Variants in ERICH1 observed in about 807,000 individuals in gnomAD.
ERICH1 encodes glutamate-rich protein 1.
ERICH1 carries 56 observed loss-of-function variants against 39.6 expected under a neutral mutation model. That is an observed-to-expected ratio of 1.41 (90% confidence interval 1.14 to 1.77). ERICH1 has a LOEUF of 1.77. Ranked by LOEUF, ERICH1 falls within the 40% of genes most tolerant of loss-of-function variation. ERICH1 has a pLI of 0.00. For missense variants in ERICH1, 826 were observed against 575.4 expected, an observed-to-expected ratio of 1.44 and a Z score of -4.45; for synonymous variants, 313 against 223.6, an observed-to-expected ratio of 1.40 and a Z score of -3.57.
chr8:655,841 A>T (rs1462487450), intron 3 of ERICH1, among the ~76,000 whole-genome samples: 1 of 151,896 alleles, frequency 6.6e-6, no homozygotes, highest in African/African-American at 2.4e-5. Flanking sequence ...ACTCACGACC[A>T]CGTTTTTCAT....
intron 3 of ERICH1, 104 bp downstream of exon 3, chr8:692,374 C>T (rs1809092958): frequency 2.0e-6 from 3 of 1,501,702 alleles, no homozygotes; most frequent in Non-Finnish European, 2.7e-6. Flanking sequence ...TGCTCACCCA[C>T]CCCCCAAGTA....
intron 2 of ERICH1, among the ~76,000 whole-genome samples, chr8:708,892 G>C (rs551138032): frequency 6.6e-6 from 1 of 151,416 alleles, no homozygotes; most frequent in East Asian, 1.9e-4. Flanking sequence ...TGGGTGACTC[G>C]CCATGTTGCC....
chr8:628,355 G>T (rs559337800), intron 3 of ERICH1, among the ~76,000 whole-genome samples: 1 of 152,328 alleles, frequency 6.6e-6, no homozygotes, highest in South Asian at 2.1e-4. Flanking sequence ...AGTTTCTCTT[G>T]AAGTTTGGTC....
At chr8:629,875 T>A (rs868599894) in intron 3 of ERICH1, among the ~76,000 whole-genome samples, 6 of 114,854 alleles carry the variant, frequency 5.2e-5, no homozygotes, top group South Asian at 2.8e-4. Flanking sequence ...CAGAGCTGAC[T>A]CACACCCTCC....
At position 722,867 on chromosome 8, in the gene ERICH1, G is replaced by T. The variant is rs113159544; in HGVS notation, c.23-6860C>A. Among the ~76,000 whole-genome samples, 424 of 152,340 alleles carry T rather than the reference G, an allele frequency of 2.8e-3. 5 individuals carry two copies. The highest frequency in any genetic ancestry group is 8.8e-3 in the African/African-American group (368 of 41,582). ...AGCTGTAAAACCGATAGGACCACAT[G>T]CTTACAGGAATTCATTAAAATAAGA... On this transcript the variant is annotated intron_variant, in intron 1 of 5. Coordinates refer to ENST00000262109, the MANE Select transcript of ERICH1 (RefSeq NM_207332.3).
chr8:634,468 C>T (rs532815619), intron 3 of ERICH1, among the ~76,000 whole-genome samples: 1 of 152,334 alleles, frequency 6.6e-6, no homozygotes, highest in South Asian at 2.1e-4. Context: ...GTCTCCTGGG[C>T]GTACACCCAA....
At chr8:702,514 C>G (rs1812384381) in intron 2 of ERICH1, among the ~76,000 whole-genome samples, 1 of 152,148 alleles carries the variant, frequency 6.6e-6, no homozygotes, top group South Asian at 2.1e-4. Flanking sequence ...GAGCAGGCAC[C>G]TCCCACCTCC....
intron 5 of ERICH1, chr8:667,929 T>G (rs771451786): frequency 3.2e-5 from 5 of 153,970 alleles, no homozygotes; most frequent in Non-Finnish European, 7.2e-5. Flanking sequence ...TCCTCTGGGA[T>G]AGGTGCCACT....
At chr8:688,863 A>G (rs968219236) in intron 3 of ERICH1, among the ~76,000 whole-genome samples, 16 of 152,160 alleles carry the variant, frequency 1.1e-4, no homozygotes, top group African/African-American at 3.9e-4. Flanking sequence ...AGAACAAAAT[A>G]TTTTTCTAGC....
downstream of ERICH1, among the ~76,000 whole-genome samples, chr8:662,859 G>C (rs1705494583): frequency 6.6e-6 from 1 of 151,544 alleles, no homozygotes; most frequent in South Asian, 2.1e-4. Flanking sequence ...GGAGTTAGGG[G>C]AAGAGAAGGG....
At chr8:728,961 T>C (rs1819409356) in intron 1 of ERICH1, among the ~76,000 whole-genome samples, 1 of 152,122 alleles carries the variant, frequency 6.6e-6, no homozygotes, top group African/African-American at 2.4e-5. Flanking sequence ...TTAGCCTGAC[T>C]GCCAACCTTT....
rs1554481904 is a variant in ERICH1, at chr8:634,183, A to AAAACAAACAAAAAACAAAC, written c.977-18900_977-18899insGTTTGTTTTTTGTTTGTTT. Among the ~76,000 whole-genome samples the AAAACAAACAAAAAACAAAC allele has an allele frequency of 2.2e-3, 299 of 135,728 alleles. 1 individual carries two copies. The highest frequency in any genetic ancestry group is 4.6e-3 in the East Asian group (21 of 4,528). 89.0% of individuals were successfully genotyped at this position (135,728 alleles called of 152,430 possible). ...TCCTAAAACTCAAAAAAAAAAAAAAAAAACAAACAAAAAAAACCCTGATTC... is the reference window on the plus strand; with the variant it reads ...TCCTAAAACTCAAAAAAAAAAAAAAAAAACAAACAAAAAACAAACAAACAAACAAAAAAAACCCTGATTC... On this transcript the variant is annotated intron_variant, in intron 3 of 3. Coordinates refer to the ERICH1 transcript ENST00000522706.
chr8:628,561 G>A (rs534654527), intron 3 of ERICH1, among the ~76,000 whole-genome samples: 72 of 152,334 alleles, frequency 4.7e-4, no homozygotes, highest in Non-Finnish European at 8.7e-4. Context: ...CATGGGACCC[G>A]AGAGGACTCC....
intron 1 of ERICH1, among the ~76,000 whole-genome samples, chr8:728,849 T>G (rs1450897150): frequency 6.6e-6 from 1 of 152,128 alleles, no homozygotes; most frequent in East Asian, 1.9e-4. Flanking sequence ...TCCTGCAGAG[T>G]TTTGCTACAC....
In ERICH1 at chr8:731,181, C is replaced by A. The variant is rs751975998; in HGVS notation, c.-20G>T. The A allele has an allele frequency of 6.7e-7, 1 of 1,500,722 alleles. No homozygotes were observed. The highest frequency in any genetic ancestry group is 8.9e-7 in the Non-Finnish European group (1 of 1,127,048). The allele number at this position is 1,500,722 out of a possible 1,614,324, so 93.0% of individuals were successfully genotyped here. A position where few individuals can be genotyped will look rare whatever the true frequency, so the allele number is the denominator to read the frequency against. The stretch of plus-strand genomic sequence containing the variant: ...CGCCATGCGGGACCCTGCCGCGGAC[C>A]TCAGACCACGGCGCGCGGTCCTGAG... On this transcript the variant is annotated 5_prime_UTR_variant, in exon 1 of 6. The change creates a new upstream start codon in the 5' untranslated region. Transcript: ENST00000262109.
chr8:708,892 G>A (rs551138032), intron 2 of ERICH1, among the ~76,000 whole-genome samples: 1 of 151,300 alleles, frequency 6.6e-6, no homozygotes, highest in Non-Finnish European at 1.5e-5. Flanking sequence ...TGGGTGACTC[G>A]CCATGTTGCC....
At chr8:704,609 C>G (rs1812845345) in intron 2 of ERICH1, among the ~76,000 whole-genome samples, 1 of 152,004 alleles carries the variant, frequency 6.6e-6, no homozygotes, top group Non-Finnish European at 1.5e-5. Flanking sequence ...GTAAACAATA[C>G]TGATGTACAA....
intron 3 of ERICH1, among the ~76,000 whole-genome samples, chr8:682,244 T>C (rs1806300506): frequency 6.6e-6 from 1 of 152,178 alleles, no homozygotes; most frequent in South Asian, 2.1e-4. Context: ...CAAAGTCTCA[T>C]CTGAGGGGTC....
intron 3 of ERICH1, among the ~76,000 whole-genome samples, chr8:648,835 C>A (rs994148832): frequency 2.9e-5 from 2 of 69,626 alleles, no homozygotes; most frequent in African/African-American, 7.2e-5. Flanking sequence ...GGAAATTTAA[C>A]AATTGCATAA....
Sources: gnomAD v4.1 joint callset for allele counts (sites outside exome capture counted in the v4.1 genomes callset) on GRCh38, gnomAD v4.1.1 for gene constraint, MANE v1.5 for transcripts, NCBI Gene and HGNC (gene_info 2026-07-23, HGNC 2026-07-21) for gene names.